Variants in GRAMD1B observed in about 807,000 individuals in gnomAD.
The protein encoded by GRAMD1B is protein Aster-B.
Under a neutral mutation model 99.7 loss-of-function variants are expected in GRAMD1B, and 37 were observed. The ratio of observed to expected loss-of-function variants is 0.37; its 90% CI spans 0.29 to 0.49. The LOEUF (loss-of-function observed/expected upper bound fraction) is 0.49, where lower values mean the gene tolerates loss of function less well. Ranked by LOEUF, GRAMD1B falls within the 20% of genes least tolerant of loss-of-function variation. GRAMD1B has a pLI of 0.98. For missense variants in GRAMD1B, 888 were observed against 1,009.2 expected, an observed-to-expected ratio of 0.88 and a Z score of 1.63; for synonymous variants, 427 against 387.6, an observed-to-expected ratio of 1.10 and a Z score of -1.19.
chr11:123,395,876 G>T (rs1591424883), intron 1 of GRAMD1B, among the ~76,000 whole-genome samples: 3 of 152,296 alleles, frequency 2.0e-5, no homozygotes, highest in South Asian at 4.1e-4. Context: ...TGTGAAATAG[G>T]ATCTCCTTTT....
chr11:123,614,738 C>T lies in GRAMD1B; in HGVS notation c.2228-7C>T, dbSNP rs773081518. ...CATGGTGATGGTCTCTTTAATTCTC[C>T]CCACAGGTTCCACACAGACGCGGCA... On this transcript the variant is annotated splice_polypyrimidine_tract_variant and splice_region_variant and intron_variant, in intron 16 of 19. Coordinates refer to ENST00000635736, the MANE Select transcript of GRAMD1B (RefSeq NM_001387025.1). The T allele has an allele frequency of 1.4e-5, 22 of 1,593,988 alleles. No homozygotes were observed. In the Admixed American group the frequency reaches 2.5e-4, roughly 18 times the overall value.
intron 3 of GRAMD1B, chr11:123,578,540 C>T: frequency 2.5e-6 from 2 of 791,512 alleles, no homozygotes; most frequent in Non-Finnish European, 2.1e-6. Context: ...TTATATCCTG[C>T]TTGGTCCCTT....
At chr11:123,488,997 G>A (rs61062195) in intron 2 of GRAMD1B, among the ~76,000 whole-genome samples, 6,290 of 152,120 alleles carry the variant, frequency 0.041, 204 homozygotes, top group African/African-American at 0.081. Context: ...CCCAGGAACG[G>A]CAGGTGCTAG....
intron 1 of GRAMD1B, among the ~76,000 whole-genome samples, chr11:123,416,208 C>T (rs1051372162): frequency 1.3e-5 from 2 of 152,138 alleles, no homozygotes; most frequent in Admixed American, 1.3e-4. Flanking sequence ...AGTTGCTTCT[C>T]CTGTAATGAA....
chr11:123,428,632 G>A (rs1445392754), upstream of GRAMD1B, among the ~76,000 whole-genome samples: 1 of 152,250 alleles, frequency 6.6e-6, no homozygotes, highest in Non-Finnish European at 1.5e-5. Context: ...TCATTGCAGA[G>A]CTTGGTAGAT....
intron 2 of GRAMD1B, among the ~76,000 whole-genome samples, chr11:123,539,088 G>A (rs1466677619): frequency 6.6e-6 from 1 of 152,050 alleles, no homozygotes; most frequent in African/African-American, 2.4e-5. Flanking sequence ...AGCTAGGCTT[G>A]GTGGCTCACA....
At chr11:123,565,799 G>GC (rs1245877686) in intron 2 of GRAMD1B, among the ~76,000 whole-genome samples, 1 of 152,164 alleles carries the variant, frequency 6.6e-6, no homozygotes, top group African/African-American at 2.4e-5. Context: ...CCAACACCCA[G>GC]CCTGTGAACC....
At position 123,520,053 on chromosome 11, in the gene GRAMD1B, A is replaced by G. The variant is rs530147290; in HGVS notation, c.452+39160A>G. On this transcript the variant is annotated intron_variant, in intron 2 of 19. Coordinates refer to ENST00000635736, the MANE Select transcript of GRAMD1B (RefSeq NM_001387025.1). ...TCTAGTCCCCATTTATGGATGAGAC[A>G]AGAAACACCAATCATGTTTTTGTTG... is the stretch of plus-strand genomic sequence containing the variant. 8.5e-5 allele frequency among the ~76,000 whole-genome samples: 13 copies of G among 152,344 alleles called. No individual in the cohort carries two copies. In the South Asian group the frequency reaches 2.7e-3, roughly 32 times the overall value.
At chr11:123,532,294 G>C (rs1284642356) in intron 2 of GRAMD1B, among the ~76,000 whole-genome samples, 1 of 152,328 alleles carries the variant, frequency 6.6e-6, no homozygotes, top group Non-Finnish European at 1.5e-5. Context: ...TGGTCAGGGT[G>C]GGGTGGGGAG....
chr11:123,544,009 G>C (rs1944805221), intron 2 of GRAMD1B, among the ~76,000 whole-genome samples: 2 of 152,168 alleles, frequency 1.3e-5, no homozygotes, highest in South Asian at 4.1e-4. Context: ...ATAATTCTGA[G>C]TTGTTTTTCC....
At chr11:123,516,860 G>C (rs1941717694) in intron 2 of GRAMD1B, among the ~76,000 whole-genome samples, 1 of 152,124 alleles carries the variant, frequency 6.6e-6, no homozygotes. Context: ...GAGAACTCTG[G>C]ATCTAACTTT....
chr11:123,604,811 C>A (rs1592237790), intron 9 of GRAMD1B, among the ~76,000 whole-genome samples: 1 of 152,248 alleles, frequency 6.6e-6, no homozygotes, highest in Non-Finnish European at 1.5e-5. Context: ...TCGACGAGCA[C>A]CCACCTTCAT....
intron 1 of GRAMD1B, among the ~76,000 whole-genome samples, chr11:123,386,332 A>G (rs1947055957): frequency 6.6e-6 from 1 of 152,106 alleles, no homozygotes; most frequent in Non-Finnish European, 1.5e-5. Context: ...AGAATCCAGG[A>G]AGACCTCCTC....
intron 1 of GRAMD1B, among the ~76,000 whole-genome samples, chr11:123,457,279 C>T (rs929605219): frequency 6.6e-6 from 1 of 152,060 alleles, no homozygotes; most frequent in Non-Finnish European, 1.5e-5. Flanking sequence ...AATGAGCATA[C>T]AGGAAGTGAA....
chr11:123,462,112 G>T (rs560416717), intron 1 of GRAMD1B, among the ~76,000 whole-genome samples: 1 of 151,814 alleles, frequency 6.6e-6, no homozygotes, highest in African/African-American at 2.4e-5. Flanking sequence ...GACCACAGGC[G>T]CCCGCCACCA....
At chr11:123,370,151 C>T (rs1289787410) in intron 1 of GRAMD1B, among the ~76,000 whole-genome samples, 1 of 151,522 alleles carries the variant, frequency 6.6e-6, no homozygotes, top group Non-Finnish European at 1.5e-5. Context: ...CCTGTCTCTA[C>T]TAAAAGTTCA....
At position 123,625,161 on chromosome 11, in the gene GRAMD1B, T is replaced by C. The variant is rs1955430191; in HGVS notation, c.*2566T>C. ...AGACATCTTAACTCACCCTTGCAGA[T>C]AAGTCTTGGAGTGAAACAAATAAAT... is the stretch of plus-strand genomic sequence containing the variant. On this transcript the variant is annotated 3_prime_UTR_variant, in exon 20 of 20. Coordinates refer to ENST00000635736, the MANE Select transcript of GRAMD1B (RefSeq NM_001387025.1). The C allele has an allele frequency of 6.6e-6, 1 of 152,250 alleles. No homozygotes were observed. The highest frequency in any genetic ancestry group is 1.5e-5 in the Non-Finnish European group (1 of 68,042). 9.4% of individuals were successfully genotyped at this position (152,250 alleles called of 1,614,324 possible).
Position 123,477,449 on chromosome 11 carries a change from G to A in GRAMD1B, c.375-3367G>A, listed in dbSNP as rs149241038. On this transcript the variant is annotated intron_variant, in intron 1 of 19. Transcript: ENST00000635736. ...AGCTGTCTTGAGCGAATGGCAAACA[G>A]TTGCTTATACAATTCCCTTCTTTGC... Among the ~76,000 whole-genome samples, 1,300 of 151,830 alleles carry A rather than the reference G, an allele frequency of 8.6e-3. 9 individuals are homozygous for A. Among genetic ancestry groups the A allele is most frequent in the Non-Finnish European group, 0.013 (884 of 67,966 alleles).
intron 1 of GRAMD1B, among the ~76,000 whole-genome samples, chr11:123,466,314 AAG>A (rs1488898712): frequency 7.9e-6 from 1 of 126,636 alleles, no homozygotes; most frequent in Non-Finnish European, 1.6e-5. Context: ...GAGAGAGAGA[AAG>A]AGAAAGAAAG....
Sources: allele counts gnomAD v4.1 joint callset (sites outside exome capture counted in the v4.1 genomes callset), GRCh38; gene constraint gnomAD v4.1.1; transcripts MANE v1.5; gene names NCBI Gene and HGNC (gene_info 2026-07-23, HGNC 2026-07-21).